The following DLGAP2 variants were observed in gnomAD, a reference collection of about 807,000 sequenced individuals.
DLGAP2 encodes the protein disks large-associated protein 2.
In DLGAP2, 26 loss-of-function variants were observed where a neutral mutation model predicts 100.3. The ratio of observed to expected loss-of-function variants is 0.26; its 90% CI spans 0.19 to 0.36. DLGAP2 has a LOEUF of 0.36. Ranked by LOEUF, DLGAP2 falls within the 10% of genes least tolerant of loss-of-function variation. The pLI, the probability that DLGAP2 is intolerant of heterozygous loss-of-function variation, is 1.00. For missense variants in DLGAP2, 1,858 were observed against 1,453.2 expected (o/e 1.28, Z -4.53); for synonymous variants, 886 against 630.1 (o/e 1.41, Z -6.08).
At chr8:1,046,959 T>G (rs1184785730) in intron 2 of DLGAP2, among the ~76,000 whole-genome samples, 1 of 36,616 alleles carries the variant, frequency 2.7e-5, no homozygotes, top group East Asian at 2.8e-4. Flanking sequence ...ATTAAAATAA[T>G]AGGTTTTTTT....
At chr8:1,148,737 A>C (rs1319974727) in intron 2 of DLGAP2, among the ~76,000 whole-genome samples, 1 of 152,144 alleles carries the variant, frequency 6.6e-6, no homozygotes, top group Non-Finnish European at 1.5e-5. Flanking sequence ...TTAGCTTTTC[A>C]TTATTGAGTT....
At chr8:1,197,580 C>T (rs76276854) in intron 2 of DLGAP2, among the ~76,000 whole-genome samples, 1 of 152,140 alleles carries the variant, frequency 6.6e-6, no homozygotes, top group African/African-American at 2.4e-5. Flanking sequence ...ACCAGCTGTC[C>T]ACCTAAACCT....
chr8:1,392,271 C>T lies in DLGAP2; in HGVS notation c.107-109095C>T, dbSNP rs558243011. 1.6e-4 allele frequency among the ~76,000 whole-genome samples: 24 copies of T among 152,240 alleles called. 2 individuals carry two copies. The South Asian group carries it at 4.6e-3, about 29-fold the overall frequency. On this transcript the variant is annotated intron_variant, in intron 3 of 14. Transcript: ENST00000637795. ...GTCATTCCTCCATGAGTCCAGATCC[C>T]AGGTCGAGGCGCAGTCCAGATCCTG...
intron 1 of DLGAP2, among the ~76,000 whole-genome samples, chr8:871,559 T>G (rs940938849): frequency 2.4e-4 from 37 of 152,220 alleles, no homozygotes; most frequent in African/African-American, 8.4e-4. Flanking sequence ...TCTTAAAATT[T>G]GAAATCCAAA....
chr8:1,298,679 C>T (rs763789159), intron 3 of DLGAP2, among the ~76,000 whole-genome samples: 2 of 152,066 alleles, frequency 1.3e-5, no homozygotes, highest in African/African-American at 2.4e-5. Flanking sequence ...TGGTAGATGC[C>T]GAGGGCCCCA....
At chr8:1,570,195 G>C (rs550419259) in intron 6 of DLGAP2, among the ~76,000 whole-genome samples, 92 of 152,318 alleles carry the variant, frequency 6.0e-4, no homozygotes, top group Non-Finnish European at 3.2e-4. Flanking sequence ...CAAGACCGGG[G>C]AGGCACATAC....
intron 1 of DLGAP2, among the ~76,000 whole-genome samples, chr8:889,798 C>A (rs537946469): frequency 1.3e-5 from 2 of 152,236 alleles, no homozygotes; most frequent in Non-Finnish European, 2.9e-5. Context: ...CACCCCTCCC[C>A]CCAGGAGTTC....
intron 2 of DLGAP2, among the ~76,000 whole-genome samples, chr8:1,257,243 C>A (rs906129194): frequency 6.6e-6 from 1 of 152,172 alleles, no homozygotes; most frequent in Non-Finnish European, 1.5e-5. Context: ...ACACACGGCT[C>A]CCAGGTGAGC....
At position 841,728 on chromosome 8, in the gene DLGAP2, C is replaced by T. The variant is rs940506364; in HGVS notation, c.19-66184C>T. Among the ~76,000 whole-genome samples the T allele has an allele frequency of 5.7e-4, 86 of 152,016 alleles. 1 individual carries two copies. Among genetic ancestry groups the T allele is most frequent in the Non-Finnish European group, 4.4e-4 (30 of 67,990 alleles). On this transcript the variant is annotated intron_variant, in intron 1 of 14. Coordinates refer to ENST00000637795, the MANE Select transcript of DLGAP2 (RefSeq NM_001346810.2). Reference sequence around the variant, plus strand: ...TCTGAGTAGCTGGGACCGCAGGTGCCGCCCCCCACACCCGGCAGCAGGTGA... The same window carrying T: ...TCTGAGTAGCTGGGACCGCAGGTGCTGCCCCCCACACCCGGCAGCAGGTGA...
chr8:1,007,247 A>G (rs1294219122), intron 2 of DLGAP2, among the ~76,000 whole-genome samples: 1 of 152,042 alleles, frequency 6.6e-6, no homozygotes, highest in African/African-American at 2.4e-5. Context: ...CACACTCTTC[A>G]CGTGTCTGCA....
chr8:1,651,962 G>A (rs1798176680), intron 8 of DLGAP2, among the ~76,000 whole-genome samples: 1 of 152,192 alleles, frequency 6.6e-6, no homozygotes, highest in Non-Finnish European at 1.5e-5. Flanking sequence ...GCCGGGCTGG[G>A]CAGGCAGCCT....
rs139168831 is a variant in DLGAP2, at chr8:1,059,968, C to G, written c.73+152002C>G. Among the ~76,000 whole-genome samples, 5 of 152,212 alleles carry G rather than the reference C, an allele frequency of 3.3e-5. No homozygotes were observed. The East Asian group carries it at 9.7e-4, about 30-fold the overall frequency. ...TGAAGTATGAGTGGGCTCCAGAGGG[C>G]CAGAAAAATGGTAGCTGGGACGTCT... is the stretch of plus-strand genomic sequence containing the variant. On this transcript the variant is annotated intron_variant, in intron 2 of 14. Transcript: ENST00000637795.
At chr8:1,594,595 G>A (rs1407544786) in intron 6 of DLGAP2, among the ~76,000 whole-genome samples, 1 of 151,890 alleles carries the variant, frequency 6.6e-6, no homozygotes, top group Non-Finnish European at 1.5e-5. Context: ...AGAACTTACG[G>A]GAAATCACCA....
intron 2 of DLGAP2, among the ~76,000 whole-genome samples, chr8:1,230,045 C>G (rs527408942): frequency 6.6e-6 from 1 of 152,082 alleles, no homozygotes; most frequent in Non-Finnish European, 1.5e-5. Context: ...TAAAAGACAT[C>G]CAAATAATAA....
At chr8:1,411,730 A>G (rs922463845) in intron 3 of DLGAP2, among the ~76,000 whole-genome samples, 3 of 152,144 alleles carry the variant, frequency 2.0e-5, no homozygotes, top group African/African-American at 7.2e-5. Context: ...TGTCTACTTC[A>G]TTTAAGGGCT....
rs1260619894 is a variant in DLGAP2, at chr8:1,695,007, A to C, written c.2797-2140A>C. 2.0e-5 allele frequency among the ~76,000 whole-genome samples: 3 copies of C among 152,346 alleles called. No homozygotes were observed. In the East Asian group the frequency reaches 5.8e-4, roughly 29 times the overall value. On this transcript the variant is annotated intron_variant, in intron 13 of 14. Coordinates refer to ENST00000637795, the MANE Select transcript of DLGAP2 (RefSeq NM_001346810.2). ...CCGGCCCCAGCATGTGGTCTGGGTG[A>C]GCCCAAAGGACGGGTGTGTTGTTGC...
Position 1,247,576 on chromosome 8 carries a change from C to T in DLGAP2, c.74-11275C>T, listed in dbSNP as rs1348465935. 9.3e-4 allele frequency among the ~76,000 whole-genome samples: 10 copies of T among 10,716 alleles called. 3 individuals are homozygous for T. The highest frequency in any genetic ancestry group is 1.5e-3 in the Admixed American group (2 of 1,378). The allele number at this position is 10,716 out of a possible 152,430, so 7.0% of individuals were successfully genotyped here. On this transcript the variant is annotated intron_variant, in intron 2 of 14. Transcript: ENST00000637795. Reference sequence around the variant, plus strand: ...AGATCAGTGTGGGAGTGATGGCCCACATCGGTGGCCGGGAAGACCTTTGAG... The same window carrying T: ...AGATCAGTGTGGGAGTGATGGCCCATATCGGTGGCCGGGAAGACCTTTGAG...
intron 2 of DLGAP2, among the ~76,000 whole-genome samples, chr8:995,392 T>C (rs1375842696): frequency 6.6e-6 from 1 of 152,226 alleles, no homozygotes; most frequent in Admixed American, 6.5e-5. Flanking sequence ...TAATTAAACA[T>C]TTTATTTCTT....
chr8:1,347,720 C>T (rs539858294), intron 3 of DLGAP2, among the ~76,000 whole-genome samples: 92 of 151,262 alleles, frequency 6.1e-4, no homozygotes, highest in Non-Finnish European at 1.0e-3. Flanking sequence ...AGCTGCGTTG[C>T]ACTCATGGTA....
Sources: allele counts gnomAD v4.1 joint callset (sites outside exome capture counted in the v4.1 genomes callset), GRCh38; gene constraint gnomAD v4.1.1; transcripts MANE v1.5; gene names NCBI Gene and HGNC (gene_info 2026-07-23, HGNC 2026-07-21).